SLC5A10: variants seen among roughly 807,000 people sequenced by gnomAD.
The protein encoded by SLC5A10 is solute carrier family 5 member 10.
In SLC5A10, 55 loss-of-function variants were observed where a neutral mutation model predicts 68.9. That is an observed-to-expected ratio of 0.80 (90% CI 0.64 to 1.00). The LOEUF is 1.00. SLC5A10 is among the 50% of genes least tolerant of loss of function. SLC5A10 has a pLI of 0.00. For missense variants in SLC5A10, 732 were observed against 819.3 expected (o/e 0.89, Z 1.30); for synonymous variants, 344 against 344.8 (o/e 1.00, Z 0.02).
At chr17:18,989,707 C>T (rs1013246563) in intron 9 of SLC5A10, among the ~76,000 whole-genome samples, 2 of 152,254 alleles carry the variant, frequency 1.3e-5, no homozygotes, top group Admixed American at 1.3e-4. Flanking sequence ...CACAGTCACC[C>T]CGCACGTTCC....
rs1309207948 is a variant in SLC5A10, at chr17:18,971,761, G to C, written c.846+543G>C. 3 of 1,547,922 alleles carry C rather than the reference G, an allele frequency of 1.9e-6. No homozygotes were observed. The highest frequency in any genetic ancestry group is 2.3e-5 in the East Asian group (1 of 44,222). ...GAAACTGCTGGCCCTGGGAGAGAGAGAGCAGAGAGTGAGGCTGAGCAAGAA... is the reference window on the plus strand; with the variant it reads ...GAAACTGCTGGCCCTGGGAGAGAGACAGCAGAGAGTGAGGCTGAGCAAGAA... On this transcript the variant is annotated intron_variant, in intron 8 of 14. Coordinates refer to ENST00000395645, the MANE Select transcript of SLC5A10 (RefSeq NM_001042450.4). This position sits in a 1 kb window ranked among gnomAD's most constrained non-coding sequence, Gnocchi z 5.5.
intron 5 of SLC5A10, among the ~76,000 whole-genome samples, chr17:18,961,206 G>A (rs2042607688): frequency 6.6e-6 from 1 of 152,196 alleles, no homozygotes; most frequent in Non-Finnish European, 1.5e-5. Flanking sequence ...TGACTTTACA[G>A]AGAGGGAAAC....
chr17:19,021,855 C>T lies in SLC5A10; in HGVS notation c.*1424C>T. On this transcript the variant is annotated 3_prime_UTR_variant, in exon 15 of 15. Transcript: ENST00000395645. This position sits in a 1 kb window ranked among gnomAD's most constrained non-coding sequence, Gnocchi z 4.1. ...GAGCCCACGTTCAGTCCAAGGCCGT[C>T]CACTGAGCCCCGTGTGACTCTGACA... 1 of 1,237,698 alleles carries T rather than the reference C, an allele frequency of 8.1e-7. No individual in the cohort carries two copies. Among genetic ancestry groups the T allele is most frequent in the Non-Finnish European group, 1.1e-6 (1 of 942,198 alleles). 76.7% of individuals were successfully genotyped at this position (1,237,698 alleles called of 1,614,324 possible). A position where few individuals can be genotyped will look rare whatever the true frequency, so the allele number is the denominator to read the frequency against.
At chr17:19,011,412 G>A (rs76921635) in intron 9 of SLC5A10, among the ~76,000 whole-genome samples, 12,079 of 152,262 alleles carry the variant, frequency 0.079, 840 homozygotes, top group African/African-American at 0.19. Flanking sequence ...AGGTCAGGGT[G>A]GCTCGTGCAC....
chr17:18,971,035 C>T lies in SLC5A10; in HGVS notation c.663C>T (p.Tyr221=), dbSNP rs746717664. Residue 221 remains tyrosine (Y), a synonymous_variant, in exon 8 of 15, where the codon TAC becomes TAT. Transcript: ENST00000395645. The surrounding 1 kb of genome is among the most constrained non-coding windows in gnomAD (Gnocchi z 5.5). Reference sequence around the variant, plus strand: ...CAGCTTTTGACCAGATCGGTGGTTACGGGCAGCTGGAGGCAGCCTACGCCC... The same window carrying T: ...CAGCTTTTGACCAGATCGGTGGTTATGGGCAGCTGGAGGCAGCCTACGCCC... ...TIKAFDQIGG[Y]GQLEAAYAQA... 24 of 1,613,826 alleles carry T rather than the reference C, an allele frequency of 1.5e-5. No homozygotes were observed. The highest frequency in any genetic ancestry group is 1.3e-4 in the East Asian group (6 of 44,900).
chr17:18,993,536 G>A (rs2043485151), intron 9 of SLC5A10, among the ~76,000 whole-genome samples: 1 of 152,148 alleles, frequency 6.6e-6, no homozygotes, highest in South Asian at 2.1e-4. Context: ...GAGAGAGGCG[G>A]CCATATTCTC....
At chr17:19,006,821 TA>T (rs1251342020) in intron 9 of SLC5A10, among the ~76,000 whole-genome samples, 1 of 152,344 alleles carries the variant, frequency 6.6e-6, no homozygotes, top group Non-Finnish European at 1.5e-5. Context: ...CCACTTAGCA[TA>T]ATTCTCCAGC....
At chr17:18,963,967 C>T (rs1208746190) in intron 5 of SLC5A10, among the ~76,000 whole-genome samples, 4 of 152,250 alleles carry the variant, frequency 2.6e-5, no homozygotes, top group Non-Finnish European at 2.9e-5. Context: ...CCACACTGGC[C>T]TCTGCGCTTC....
chr17:18,959,965 C>G (rs2042579641), intron 4 of SLC5A10, among the ~76,000 whole-genome samples: 1 of 152,134 alleles, frequency 6.6e-6, no homozygotes, highest in Non-Finnish European at 1.5e-5. Context: ...ATAGGCTGTA[C>G]AACTGGGCCA....
chr17:18,965,782 C>T (rs928493911), intron 5 of SLC5A10, among the ~76,000 whole-genome samples: 6 of 152,330 alleles, frequency 3.9e-5, no homozygotes, highest in South Asian at 2.1e-4. Context: ...AGTGTGTGCT[C>T]TCTGGGAGGT....
At chr17:18,999,065 G>A (rs1186190319) in intron 9 of SLC5A10, among the ~76,000 whole-genome samples, 4 of 152,170 alleles carry the variant, frequency 2.6e-5, no homozygotes, top group Non-Finnish European at 4.4e-5. Flanking sequence ...GGATCACAAG[G>A]TCAGGAGTTC....
At chr17:19,014,300 C>CTT (rs2044084135) in intron 10 of SLC5A10, among the ~76,000 whole-genome samples, 3 of 152,176 alleles carry the variant, frequency 2.0e-5, no homozygotes, top group African/African-American at 7.2e-5. Flanking sequence ...AGCATCCTTC[C>CTT]ACCTTCCTTA....
At chr17:18,964,209 T>A (rs958128289) in intron 5 of SLC5A10, among the ~76,000 whole-genome samples, 8 of 152,158 alleles carry the variant, frequency 5.3e-5, no homozygotes, top group Middle Eastern at 3.2e-3. Context: ...ACTGGCCGCA[T>A]CCCCAGGGCT....
At chr17:18,981,083 C>T (rs1316787829) in intron 9 of SLC5A10, among the ~76,000 whole-genome samples, 1 of 152,208 alleles carries the variant, frequency 6.6e-6, no homozygotes, top group Non-Finnish European at 1.5e-5. Context: ...CCGAGGCCTC[C>T]AGCTGCAGAG....
At chr17:19,005,654 C>A (rs976813447) in intron 9 of SLC5A10, among the ~76,000 whole-genome samples, 2 of 152,074 alleles carry the variant, frequency 1.3e-5, no homozygotes, top group African/African-American at 2.4e-5. Context: ...CAAACCCCCC[C>A]CCTCCAAGGC....
At chr17:18,959,004 TG>T in intron 2 of SLC5A10, 130 bp from the exon 3 acceptor site, 1 of 886,646 alleles carries the variant, frequency 1.1e-6, no homozygotes, top group Non-Finnish European at 1.7e-6. Context: ...ACACACACCC[TG>T]GGCTCCTCAT....
In SLC5A10 at chr17:18,968,399, C is replaced by T. The variant is rs1049121110; in HGVS notation, c.454-653C>T. Among the ~76,000 whole-genome samples, 1 of 152,212 alleles carries T rather than the reference C, an allele frequency of 6.6e-6. No individual in the cohort carries two copies. The highest frequency in any genetic ancestry group is 2.4e-5 in the African/African-American group (1 of 41,460). On this transcript the variant is annotated intron_variant, in intron 5 of 14. Transcript: ENST00000395645. This position sits in a 1 kb window ranked among gnomAD's most constrained non-coding sequence, Gnocchi z 4.1. ...GCCAGGTGGAGGGTGGGATTCTGGT[C>T]TTTGAGGCCCATGCCAGGCAGAGGT...
At position 18,978,825 on chromosome 17, in the gene SLC5A10, C is replaced by T; in HGVS notation, c.982+1836C>T. 5 of 1,612,622 alleles carry T rather than the reference C, an allele frequency of 3.1e-6. No individual in the cohort carries two copies. Among genetic ancestry groups the T allele is most frequent in the Non-Finnish European group, 4.2e-6 (5 of 1,179,744 alleles). Reference sequence around the variant, plus strand: ...GACAGCACAGAGATCACATTCCGGTCCGTCCGCGCGGCCGACCACGTGAAG... The same window carrying T: ...GACAGCACAGAGATCACATTCCGGTTCGTCCGCGCGGCCGACCACGTGAAG... On this transcript the variant is annotated intron_variant, in intron 9 of 14. Coordinates refer to ENST00000395645, the MANE Select transcript of SLC5A10 (RefSeq NM_001042450.4).
At chr17:18,979,472 G>C in intron 9 of SLC5A10, 1 of 1,555,966 alleles carries the variant, frequency 6.4e-7, no homozygotes, top group South Asian at 1.2e-5. Context: ...GAATAACCAG[G>C]GTTAGGATTA....
Sources: allele counts gnomAD v4.1 joint callset (sites outside exome capture counted in the v4.1 genomes callset), GRCh38; gene constraint gnomAD v4.1.1; non-coding constraint Gnocchi (gnomAD v3.1); transcripts MANE v1.5; gene names NCBI Gene and HGNC (gene_info 2026-07-23, HGNC 2026-07-21).